Variants in GTF2IRD1 observed in about 807,000 individuals in gnomAD.
GTF2IRD1 encodes general transcription factor II-I repeat domain-containing protein 1.
GTF2IRD1 carries 26 observed loss-of-function variants against 113.2 expected under a neutral mutation model. The observed-to-expected ratio is 0.23, with a 90% confidence interval of 0.17 to 0.32. GTF2IRD1 has a LOEUF of 0.32. GTF2IRD1 is among the 10% of genes least tolerant of loss of function. The pLI, the probability that GTF2IRD1 is intolerant of heterozygous loss-of-function variation, is 1.00. For synonymous variants in GTF2IRD1, 484 were observed against 529.1 expected (o/e 0.91, Z 1.17); for missense variants, 864 against 1,280.8 (o/e 0.67, Z 4.97).
chr7:74,476,204 T>C (rs539998316), intron 1 of GTF2IRD1, among the ~76,000 whole-genome samples: 5 of 152,100 alleles, frequency 3.3e-5, no homozygotes, highest in Non-Finnish European at 7.4e-5. Context: ...TGTGGGCTGG[T>C]GGTGCCTGGT....
chr7:74,546,223 T>C (rs1175110407), intron 16 of GTF2IRD1, among the ~76,000 whole-genome samples: 49 of 147,494 alleles, frequency 3.3e-4, no homozygotes, highest in South Asian at 6.5e-4. Context: ...TTTTTCTTTT[T>C]TTTTTTTTTT....
chr7:74,530,681 G>C (rs1481329219), intron 9 of GTF2IRD1, among the ~76,000 whole-genome samples: 2 of 150,804 alleles, frequency 1.3e-5, no homozygotes, highest in Non-Finnish European at 3.0e-5. Context: ...AAATGAAAAA[G>C]TGGATGAAAC....
intron 1 of GTF2IRD1, among the ~76,000 whole-genome samples, chr7:74,492,416 C>A (rs1795414898): frequency 6.6e-6 from 1 of 151,854 alleles, no homozygotes; most frequent in Non-Finnish European, 1.5e-5. Context: ...ATGATCTGCC[C>A]ACCTTGGCCT....
intron 13 of GTF2IRD1, among the ~76,000 whole-genome samples, chr7:74,539,328 G>A (rs1399010923): frequency 6.6e-6 from 1 of 152,042 alleles, no homozygotes; most frequent in African/African-American, 2.4e-5. Flanking sequence ...TGTGCCTGTC[G>A]GTGTAGCTTC....
At chr7:74,490,386 G>A (rs1795270308) in intron 1 of GTF2IRD1, among the ~76,000 whole-genome samples, 1 of 152,066 alleles carries the variant, frequency 6.6e-6, no homozygotes, top group Non-Finnish European at 1.5e-5. Flanking sequence ...GAAGGCCAGG[G>A]CTGTGACTGG....
rs1796415996 is a variant in GTF2IRD1 at position 74,508,310 on chromosome 7, A to G, written c.123+107A>G. The stretch of plus-strand genomic sequence containing the variant: ...CTCGAAGGAGCTTTCACTGACCTGA[A>G]CCTCAGTTTATCTGACTGCAGCTAG... On this transcript the variant is annotated intron_variant, in intron 2 of 26. Transcript: ENST00000424337. 4 of 1,235,538 alleles carry G rather than the reference A, an allele frequency of 3.2e-6. No homozygotes were observed. In the Admixed American group the frequency reaches 8.3e-5, roughly 26 times the overall value. The allele number at this position is 1,235,538 out of a possible 1,614,324, so 76.5% of individuals were successfully genotyped here.
chr7:74,509,060 T>TA (rs202216688), intron 2 of GTF2IRD1, among the ~76,000 whole-genome samples: 3,807 of 147,768 alleles, frequency 0.026, 79 homozygotes, highest in East Asian at 0.078. Context: ...ATGGAAGTGT[T>TA]AAAAAAAAAA....
At chr7:74,535,404 C>G (rs1237276992) in intron 10 of GTF2IRD1, among the ~76,000 whole-genome samples, 1 of 152,196 alleles carries the variant, frequency 6.6e-6, no homozygotes, top group Non-Finnish European at 1.5e-5. Flanking sequence ...GTTGGTGAAC[C>G]TGAGCCTGTG....
intron 22 of GTF2IRD1, among the ~76,000 whole-genome samples, chr7:74,564,018 T>C (rs1254935496): frequency 6.6e-6 from 1 of 151,920 alleles, no homozygotes; most frequent in Non-Finnish European, 1.5e-5. Context: ...TTTTTTGTTT[T>C]TGTTTTGTTT....
At position 74,504,912 on chromosome 7, in the gene GTF2IRD1, T is replaced by C. The variant is rs932054381; in HGVS notation, c.-6-3163T>C. ...TAGTAGAGACGGGGTTTCACCATGTTGTCCAGGCCGGTCTCAAACTCCTGA... is the reference window on the plus strand; with the variant it reads ...TAGTAGAGACGGGGTTTCACCATGTCGTCCAGGCCGGTCTCAAACTCCTGA... On this transcript the variant is annotated intron_variant, in intron 1 of 26. Coordinates refer to ENST00000424337, the MANE Select transcript of GTF2IRD1 (RefSeq NM_005685.4). Among the ~76,000 whole-genome samples, 6 of 152,140 alleles carry C rather than the reference T, an allele frequency of 3.9e-5. 1 individual carries two copies. The highest frequency in any genetic ancestry group is 3.9e-4 in the Admixed American group (6 of 15,256).
intron 22 of GTF2IRD1, among the ~76,000 whole-genome samples, chr7:74,585,091 C>T (rs1801643102): frequency 2.7e-5 from 4 of 150,070 alleles, no homozygotes; most frequent in South Asian, 4.2e-4. Context: ...TGTGAGCCAC[C>T]GCGCCCAGCC....
chr7:74,462,705 C>G (rs1793452508), intron 1 of GTF2IRD1, among the ~76,000 whole-genome samples: 1 of 152,204 alleles, frequency 6.6e-6, no homozygotes, highest in African/African-American at 2.4e-5. Context: ...TGGCCTGCAC[C>G]CCATCACTAC....
intron 4 of GTF2IRD1, 53 bp downstream of exon 4, chr7:74,515,649 G>T: frequency 1.3e-6 from 2 of 1,543,968 alleles, no homozygotes; most frequent in Non-Finnish European, 8.8e-7. Context: ...GGGAGCCTCG[G>T]TCCCCACCCA....
At position 74,557,629 on chromosome 7, in the gene GTF2IRD1, C is replaced by T. The variant is rs76184137; in HGVS notation, c.2024-10C>T. On this transcript the variant is annotated splice_polypyrimidine_tract_variant and intron_variant, in intron 19 of 26. Coordinates refer to ENST00000424337, the MANE Select transcript of GTF2IRD1 (RefSeq NM_005685.4). ...ACAGCCCAAACCCATAATCGTTTTG[C>T]GCTTTGCAGAAAATTATGACGCGAG... 0.03 allele frequency: 47,316 copies of T among 1,603,102 alleles called. 981 individuals are homozygous for T. Among genetic ancestry groups the T allele is most frequent in the Non-Finnish European group, 0.03 (35,473 of 1,170,326 alleles).
intron 1 of GTF2IRD1, among the ~76,000 whole-genome samples, chr7:74,463,733 T>G (rs1793533475): frequency 1.3e-5 from 2 of 150,572 alleles, no homozygotes; most frequent in Non-Finnish European, 3.0e-5. Flanking sequence ...TTTTTGTTTT[T>G]TTTTTTTTGA....
At chr7:74,585,349 G>A (rs1554367436) in intron 22 of GTF2IRD1, among the ~76,000 whole-genome samples, 1 of 151,964 alleles carries the variant, frequency 6.6e-6, no homozygotes, top group East Asian at 1.9e-4. Flanking sequence ...CTGACCTCAA[G>A]TGATCCACCT....
At chr7:74,559,584 C>G (rs1389054514) in intron 21 of GTF2IRD1, 43 bp from the exon 22 acceptor site, 6 of 1,558,262 alleles carry the variant, frequency 3.9e-6, no homozygotes, top group Non-Finnish European at 5.2e-6. Flanking sequence ...TCCTCATCCC[C>G]CAGGCCCTCC....
rs1390215362 is a variant in GTF2IRD1 at position 74,565,927 on chromosome 7, C to T, written c.2320+6272C>T. ...TGAGCCCAGGAGTTTGAGGCTGCAG[C>T]GAGCTATGATCACAAAGCTCACATC... On this transcript the variant is annotated intron_variant, in intron 22 of 26. Coordinates refer to ENST00000424337, the MANE Select transcript of GTF2IRD1 (RefSeq NM_005685.4). 5.3e-5 allele frequency among the ~76,000 whole-genome samples: 8 copies of T among 151,384 alleles called. 1 individual carries two copies. In the South Asian group the frequency reaches 1.0e-3, roughly 20 times the overall value.
intron 1 of GTF2IRD1, among the ~76,000 whole-genome samples, chr7:74,459,012 T>G (rs975219356): frequency 6.6e-6 from 1 of 152,156 alleles, no homozygotes; most frequent in Non-Finnish European, 1.5e-5. Flanking sequence ...CCACTCGTCC[T>G]GTGGAACTGA....
Sources: allele counts gnomAD v4.1 joint callset (sites outside exome capture counted in the v4.1 genomes callset), GRCh38; gene constraint gnomAD v4.1.1; transcripts MANE v1.5; gene names NCBI Gene and HGNC (gene_info 2026-07-23, HGNC 2026-07-21).